GFM2: variants seen among roughly 807,000 people sequenced by gnomAD.
GFM2 encodes GTP dependent ribosome recycling factor mitochondrial 2, also known as ribosome-releasing factor 2, mitochondrial.
A neutral mutation model predicts 95.4 loss-of-function variants in GFM2; 72 were observed. The ratio of observed to expected loss-of-function variants is 0.76; its 90% CI spans 0.62 to 0.92. The LOEUF (loss-of-function observed/expected upper bound fraction) is 0.92, where lower values mean the gene tolerates loss of function less well. Ranked by LOEUF, GFM2 falls within the 40% of genes least tolerant of loss-of-function variation. The pLI, the probability that GFM2 is intolerant of heterozygous loss-of-function variation, is 0.00. For synonymous variants in GFM2, 276 were observed against 317.5 expected (o/e 0.87, Z 1.39); for missense variants, 825 against 924.1 (o/e 0.89, Z 1.39).
Position 74,747,692 on chromosome 5 carries a change from C to T in GFM2, c.608G>A (p.Ser203Asn). ...FLNKMDKTGA[S>N]FKYAVESIRE... is the part of the protein sequence containing the mutation. ...AGCCAATGAAACACATTTCAAATACCTTGCTCCAGTTTTGTCCATCTTGTT... is the reference window on the plus strand; with the variant it reads ...AGCCAATGAAACACATTTCAAATACTTTGCTCCAGTTTTGTCCATCTTGTT... The change falls in exon 8 of 21, where the codon AGC becomes AAC. Residue 203 changes from serine (S) to asparagine (N), a missense_variant and splice_region_variant. Ser to Asn is a conservative substitution (Grantham distance 46). Coordinates refer to ENST00000296805, the MANE Select transcript of GFM2 (RefSeq NM_032380.5). The T allele has an allele frequency of 6.3e-7, 1 of 1,586,206 alleles. No homozygotes were observed. The highest frequency in any genetic ancestry group is 8.7e-7 in the Non-Finnish European group (1 of 1,155,420).
chr5:74,721,436 G>C lies in GFM2; in HGVS notation c.*219C>G, dbSNP rs1749874324. The C allele has an allele frequency of 1.4e-6, 1 of 699,778 alleles. No individual in the cohort carries two copies. Among genetic ancestry groups the C allele is most frequent in the African/African-American group, 1.8e-5 (1 of 55,916 alleles). 43.3% of individuals were successfully genotyped at this position (699,778 alleles called of 1,614,324 possible). A position where few individuals can be genotyped will look rare whatever the true frequency, so the allele number is the denominator to read the frequency against. On this transcript the variant is annotated 3_prime_UTR_variant, in exon 21 of 21. Transcript: ENST00000296805. Reference sequence around the variant, plus strand: ...CTTCATAGATGAACAGCATGATTCAGGTACAGTGGCTTTAAACATCAAAGC... The same window carrying C: ...CTTCATAGATGAACAGCATGATTCACGTACAGTGGCTTTAAACATCAAAGC...
intron 1 of GFM2, among the ~76,000 whole-genome samples, chr5:74,765,368 G>A (rs746483688): frequency 6.6e-6 from 1 of 152,112 alleles, no homozygotes; most frequent in Non-Finnish European, 1.5e-5. Flanking sequence ...CCGTAGTCAG[G>A]GGATACAGAC....
intron 5 of GFM2, among the ~76,000 whole-genome samples, chr5:74,755,910 G>A (rs564204765): frequency 6.6e-5 from 10 of 152,002 alleles, no homozygotes; most frequent in Admixed American, 1.3e-4. Flanking sequence ...AACAAAAAAA[G>A]GAAAACTACA....
Position 74,721,263 on chromosome 5 carries a change from T to G in GFM2, c.*392A>C. ...TAAAATAAGATATTAGACTGTTTTT[T>G]GAATAAAATATTTTTATTGATTGAA... is the stretch of plus-strand genomic sequence containing the variant. On this transcript the variant is annotated 3_prime_UTR_variant, in exon 21 of 21. Transcript: ENST00000296805. 9.4e-7 allele frequency: 1 copy of G among 1,068,748 alleles called. No homozygotes were observed. The highest frequency in any genetic ancestry group is 1.4e-6 in the Non-Finnish European group (1 of 691,720). 66.2% of individuals were successfully genotyped at this position (1,068,748 alleles called of 1,614,324 possible). A position where few individuals can be genotyped will look rare whatever the true frequency, so the allele number is the denominator to read the frequency against.
At chr5:74,736,658 C>A (rs1742846936) in intron 15 of GFM2, 138 bp downstream of exon 15, 8 of 1,454,518 alleles carry the variant, frequency 5.5e-6, no homozygotes, top group South Asian at 3.0e-5. Flanking sequence ...AAAACAAGAC[C>A]AACCACAAGA....
rs1461879007 is a variant in GFM2, at chr5:74,740,127, G to A, written c.941C>T (p.Ala314Val). The change falls in exon 12 of 21, where the codon GCA becomes GTA. Residue 314 changes from alanine (A) to valine (V), a missense_variant. Physicochemically the swap from Ala to Val is moderately conservative, Grantham distance 64. Transcript: ENST00000296805. ...DLLPAEKLQTAIHRVTLAQTA... is the reference protein window; with the variant it reads ...DLLPAEKLQTVIHRVTLAQTA... ...CTGAGCTAGTGTCACTCTATGTATT[G>A]CAGTCTGTAGCTACAGAGCAGAGAT... is the stretch of plus-strand genomic sequence containing the variant. The A allele has an allele frequency of 6.3e-7, 1 of 1,597,740 alleles. No homozygotes were observed.
At chr5:74,726,153 C>A in intron 17 of GFM2, 27 bp from the exon 18 acceptor site, 1 of 1,543,618 alleles carries the variant, frequency 6.5e-7, no homozygotes, top group Non-Finnish European at 8.8e-7. Context: ...TATGGCACCT[C>A]AGAGATTAAT....
chr5:74,726,127 CTG>C lies in GFM2; in HGVS notation c.1727-3_1727-2del, dbSNP rs1369096649. On this transcript the variant is annotated splice_acceptor_variant and splice_polypyrimidine_tract_variant and intron_variant, in intron 17 of 20. Transcript: ENST00000296805. LOFTEE classifies it high-confidence loss of function. ...TCTCCTAAAGTTCTATCTAAGGTAT[CTG>C]TAAACAAATTGAATATGGCACCTCA... 2 of 1,594,596 alleles carry C rather than the reference CTG, an allele frequency of 1.3e-6. No individual in the cohort carries two copies. The highest frequency in any genetic ancestry group is 1.4e-5 in the African/African-American group (1 of 73,484).
At chr5:74,730,122 CA>C in intron 17 of GFM2, 137 bp downstream of exon 17, 6 of 787,836 alleles carry the variant, frequency 7.6e-6, no homozygotes, top group Non-Finnish European at 1.1e-5. Context: ...CCTAAAAAAA[CA>C]AAAAAACCCC....
chr5:74,727,994 T>A lies in GFM2; in HGVS notation c.1727-1868A>T, dbSNP rs147917667. ...AACTCCGTACCCCACTTCATCAACATCTCTCCTTTCCCCAGCTTTCCAATC... is the reference window on the plus strand; with the variant it reads ...AACTCCGTACCCCACTTCATCAACAACTCTCCTTTCCCCAGCTTTCCAATC... On this transcript the variant is annotated intron_variant, in intron 17 of 20. Transcript: ENST00000296805. Among the ~76,000 whole-genome samples, 60 of 152,262 alleles carry A rather than the reference T, an allele frequency of 3.9e-4. 1 individual carries two copies. In the East Asian group the frequency reaches 0.012, roughly 29 times the overall value.
intron 10 of GFM2, 63 bp downstream of exon 10, chr5:74,745,615 G>T: frequency 7.4e-7 from 1 of 1,349,858 alleles, no homozygotes; most frequent in South Asian, 1.4e-5. Flanking sequence ...GCTAAAGTAT[G>T]ACTATATTTT....
intron 15 of GFM2, among the ~76,000 whole-genome samples, chr5:74,735,165 T>G (rs1742771735): frequency 6.6e-6 from 1 of 152,180 alleles, no homozygotes; most frequent in Admixed American, 6.6e-5. Context: ...TCCACTAGAA[T>G]AAAAACTATA....
intron 15 of GFM2, chr5:74,736,205 G>A (rs542310042): frequency 2.8e-4 from 61 of 220,730 alleles, no homozygotes; most frequent in African/African-American, 1.4e-3. Flanking sequence ...GTTATTTGGG[G>A]GTTTTCTGCT....
Position 74,757,250 on chromosome 5 carries a change from G to C in GFM2, c.304+1599C>G, listed in dbSNP as rs540670082. ...AAGAGAGAGAGAACATTCTATGTGG[G>C]TTCTATTTTTATATATTCAGTTTCT... On this transcript the variant is annotated intron_variant, in intron 5 of 20. Coordinates refer to ENST00000296805, the MANE Select transcript of GFM2 (RefSeq NM_032380.5). 2.6e-4 allele frequency among the ~76,000 whole-genome samples: 39 copies of C among 152,046 alleles called. 1 individual carries two copies. The South Asian group carries it at 8.1e-3, about 31-fold the overall frequency.
At chr5:74,721,849 TTATCTTTTGAC>T in intron 20 of GFM2, 66 bp from the exon 21 acceptor site, 1 of 1,474,330 alleles carries the variant, frequency 6.8e-7, no homozygotes, top group Non-Finnish European at 9.2e-7. Context: ...TTCCTGCTGA[TTATCTTTTGAC>T]TATTAGGGAA....
chr5:74,733,621 G>A (rs1742685561), intron 15 of GFM2, among the ~76,000 whole-genome samples: 1 of 152,192 alleles, frequency 6.6e-6, no homozygotes, highest in African/African-American at 2.4e-5. Flanking sequence ...AGATGAGGAA[G>A]GAGATGTGTG....
chr5:74,748,898 A>G (rs1387835912), intron 7 of GFM2, among the ~76,000 whole-genome samples: 1 of 132,646 alleles, frequency 7.5e-6, no homozygotes, highest in East Asian at 2.0e-4. Context: ...AATAAATAAA[A>G]TAAAATAAAA....
rs146794329 is a variant in GFM2, at chr5:74,730,314, C to T, written c.1672G>A (p.Gly558Arg). The change falls in exon 17 of 21, where the codon GGG becomes AGG. Residue 558 changes from glycine to arginine, a missense_variant. Coordinates refer to ENST00000296805, the MANE Select transcript of GFM2 (RefSeq NM_032380.5). Reference sequence around the variant, plus strand: ...TCTCGATATGCCACCTGGAGAGGCCCGAGATAGGTCTCCAGTCCATATTCC... The same window carrying T: ...TCTCGATATGCCACCTGGAGAGGCCTGAGATAGGTCTCCAGTCCATATTCC... The part of the protein sequence containing the change: ...KREYGLETYL[G>R]PLQVAYRETI... The T allele has an allele frequency of 6.2e-6, 10 of 1,612,964 alleles. No individual in the cohort carries two copies. In the African/African-American group the frequency reaches 8.0e-5, roughly 13 times the overall value.
chr5:74,758,821 G>T, intron 5 of GFM2, 28 bp downstream of exon 5: 1 of 1,330,774 alleles, frequency 7.5e-7, no homozygotes, highest in Non-Finnish European at 1.1e-6. Context: ...CTAATGGGGG[G>T]GTGGGAAGAG....
Sources: gnomAD v4.1 joint callset for allele counts (sites outside exome capture counted in the v4.1 genomes callset) on GRCh38, gnomAD v4.1.1 for gene constraint, MANE v1.5 for transcripts, NCBI Gene and HGNC (gene_info 2026-07-23, HGNC 2026-07-21) for gene names.